EPS15: variants seen among roughly 807,000 people sequenced by gnomAD.
EPS15 encodes the protein epidermal growth factor receptor substrate 15.
In EPS15, 72 loss-of-function variants were observed where a neutral mutation model predicts 113.8. The ratio of observed to expected loss-of-function variants is 0.63; its 90% CI spans 0.52 to 0.77. The LOEUF (loss-of-function observed/expected upper bound fraction) is 0.77, where lower values mean the gene tolerates loss of function less well. Among genes scored for constraint, EPS15 ranks in the 30% least tolerant of loss-of-function variants. EPS15 has a pLI of 0.00. For synonymous variants in EPS15, 344 were observed against 363.4 expected (o/e 0.95, Z 0.61); for missense variants, 1,048 against 1,045.8 (o/e 1.00, Z -0.03).
At chr1:51,411,775 C>T (rs1301166872) in intron 13 of EPS15, among the ~76,000 whole-genome samples, 4 of 152,130 alleles carry the variant, frequency 2.6e-5, no homozygotes, top group Non-Finnish European at 5.9e-5. Context: ...TAAATTAGTT[C>T]AACCATTGTG....
chr1:51,365,870 G>A, intron 22 of EPS15, 83 bp downstream of exon 22: 1 of 832,162 alleles, frequency 1.2e-6, no homozygotes, highest in East Asian at 2.7e-5. Flanking sequence ...AACTTTGTGA[G>A]AGGACTATAT....
intron 7 of EPS15, among the ~76,000 whole-genome samples, chr1:51,462,392 C>T (rs542650789): frequency 6.7e-5 from 10 of 149,492 alleles, no homozygotes; most frequent in Non-Finnish European, 1.2e-4. Context: ...AAAGAAAGGG[C>T]AAGAGGTTTA....
At chr1:51,447,770 T>C (rs113769516) in intron 9 of EPS15, among the ~76,000 whole-genome samples, 1 of 152,246 alleles carries the variant, frequency 6.6e-6, no homozygotes, top group African/African-American at 2.4e-5. Context: ...AGGCCTAATG[T>C]AGAAGGAATA....
At chr1:51,417,750 T>C (rs1481746310) in intron 13 of EPS15, among the ~76,000 whole-genome samples, 1 of 152,120 alleles carries the variant, frequency 6.6e-6, no homozygotes, top group African/African-American at 2.4e-5. Context: ...AGCAGGAAAG[T>C]AGAGAACATT....
At chr1:51,517,771 C>A (rs1644751114) in intron 1 of EPS15, among the ~76,000 whole-genome samples, 1 of 152,092 alleles carries the variant, frequency 6.6e-6, no homozygotes, top group Non-Finnish European at 1.5e-5. Flanking sequence ...CCACCACCAT[C>A]AAAAAAACTG....
intron 13 of EPS15, among the ~76,000 whole-genome samples, chr1:51,421,196 T>C (rs1650718647): frequency 6.6e-6 from 1 of 152,156 alleles, no homozygotes; most frequent in South Asian, 2.1e-4. Flanking sequence ...TTTCTCTTTG[T>C]AAAATGAAAC....
At chr1:51,393,084 A>T (rs527580183) in intron 21 of EPS15, among the ~76,000 whole-genome samples, 1 of 152,300 alleles carries the variant, frequency 6.6e-6, no homozygotes, top group East Asian at 1.9e-4. Flanking sequence ...CTTATTTTCT[A>T]CATATCTCCT....
intron 12 of EPS15, among the ~76,000 whole-genome samples, chr1:51,426,837 C>CTCTCTCTCTCTCTCTCTATATATA (rs377211027): frequency 1.4e-5 from 2 of 143,568 alleles, no homozygotes; most frequent in African/African-American, 5.3e-5. Flanking sequence ...CTCTCTCTCT[C>CTCTCTCTCTCTCTCTCTATATATA]TATATATATA....
At chr1:51,469,264 T>C (rs1007628960) in intron 4 of EPS15, among the ~76,000 whole-genome samples, 2 of 152,130 alleles carry the variant, frequency 1.3e-5, no homozygotes, top group Non-Finnish European at 2.9e-5. Flanking sequence ...TGAAAAGTCA[T>C]CTCTGGATTG....
intron 22 of EPS15, among the ~76,000 whole-genome samples, chr1:51,364,629 G>C (rs1646466794): frequency 6.6e-6 from 1 of 151,998 alleles, no homozygotes; most frequent in African/African-American, 2.4e-5. Context: ...CGAATAGCTA[G>C]GACTACAGGT....
intron 3 of EPS15, among the ~76,000 whole-genome samples, chr1:51,471,951 C>T (rs1003269669): frequency 1.3e-5 from 2 of 152,028 alleles, no homozygotes; most frequent in African/African-American, 2.4e-5. Context: ...CAGCTTTGCA[C>T]GTGGCCCAAC....
At chr1:51,370,740 C>T (rs959842307) in intron 21 of EPS15, among the ~76,000 whole-genome samples, 1 of 151,830 alleles carries the variant, frequency 6.6e-6, no homozygotes, top group African/African-American at 2.4e-5. Context: ...CCTGCCTCAG[C>T]CTCCTGAGTA....
intron 1 of EPS15, among the ~76,000 whole-genome samples, chr1:51,511,759 T>A (rs1570459143): frequency 6.6e-6 from 1 of 152,186 alleles, no homozygotes; most frequent in Admixed American, 6.5e-5. Context: ...TATAAAGTAC[T>A]GTAATATAAA....
At chr1:51,414,919 C>T (rs1270613443) in intron 13 of EPS15, among the ~76,000 whole-genome samples, 1 of 152,148 alleles carries the variant, frequency 6.6e-6, no homozygotes, top group African/African-American at 2.4e-5. Context: ...CAATAGCTCT[C>T]TCTAGAAAGG....
At chr1:51,447,856 C>T (rs147207274) in intron 9 of EPS15, 190 bp downstream of exon 9, 358 of 482,266 alleles carry the variant, frequency 7.4e-4, no homozygotes, top group African/African-American at 7.1e-3. Flanking sequence ...TTTAATTGCT[C>T]TATCTTTGTC....
intron 1 of EPS15, among the ~76,000 whole-genome samples, chr1:51,515,549 CTA>C (rs1337292376): frequency 6.6e-6 from 1 of 152,012 alleles, no homozygotes; most frequent in African/African-American, 2.4e-5. Flanking sequence ...TGCTAAAAGA[CTA>C]TTTTAAATAT....
chr1:51,463,803 A>G lies in EPS15; in HGVS notation c.376-5T>C. Reference sequence around the variant, plus strand: ...ATATTTGGCCTTATCTTCAGGCTACAATAAAAAACAAAATCACAAGTTAAA... The same window carrying G: ...ATATTTGGCCTTATCTTCAGGCTACGATAAAAAACAAAATCACAAGTTAAA... On this transcript the variant is annotated splice_region_variant and splice_polypyrimidine_tract_variant and intron_variant, in intron 6 of 24. Transcript: ENST00000371733. The G allele has an allele frequency of 6.4e-7, 1 of 1,554,940 alleles. No individual in the cohort carries two copies. The highest frequency in any genetic ancestry group is 1.8e-5 in the Admixed American group (1 of 54,086).
At chr1:51,489,303 A>ATATATG (rs1360006242) in intron 1 of EPS15, among the ~76,000 whole-genome samples, 1 of 140,038 alleles carries the variant, frequency 7.1e-6, no homozygotes, top group Admixed American at 6.9e-5. Context: ...ATATATATAT[A>ATATATG]TATGTATGTA....
At chr1:51,412,761 C>A (rs150422668) in intron 13 of EPS15, among the ~76,000 whole-genome samples, 1 of 152,206 alleles carries the variant, frequency 6.6e-6, no homozygotes, top group Non-Finnish European at 1.5e-5. Context: ...ACTTCAGATT[C>A]ATCTTTGATT....
Sources: gnomAD v4.1 joint callset for allele counts (sites outside exome capture counted in the v4.1 genomes callset) on GRCh38, gnomAD v4.1.1 for gene constraint, MANE v1.5 for transcripts, NCBI Gene and HGNC (gene_info 2026-07-23, HGNC 2026-07-21) for gene names.